The following HGF variants were observed in gnomAD, a reference collection of about 807,000 sequenced individuals.
HGF encodes hepatocyte growth factor, also known as fibroblast-derived tumor cytotoxic factor.
Under a neutral mutation model 111.6 loss-of-function variants are expected in HGF, and 39 were observed. That is an observed-to-expected ratio of 0.35 (90% CI 0.27 to 0.46). The LOEUF (loss-of-function observed/expected upper bound fraction) is 0.46. Ranked by LOEUF, HGF falls within the 20% of genes least tolerant of loss-of-function variation. The probability of loss-of-function intolerance (pLI) is 1.00; values close to 1 mark genes in which losing one functional copy is unlikely to be tolerated. For missense variants in HGF, 735 were observed against 910.5 expected (o/e 0.81, Z 2.48); for synonymous variants, 285 against 294.8 (o/e 0.97, Z 0.34).
Position 81,757,280 on chromosome 7 carries a change from C to T in HGF, c.391G>A (p.Gly131Ser), listed in dbSNP as rs1327255533. ...NKDYIRNCII[G>S]KGRSYKGTVS... ...GTTCCCTTGTAGCTGCGTCCTTTAC[C>T]AATGATGCAGTTTCTAATGTAGTCT... Residue 131 changes from glycine (G) to serine (S), a missense_variant, in exon 4 of 18, where the codon GGT becomes AGT. Around this residue, in one of 3 missense-constraint regions of HGF, gnomAD observed 553 missense variants for 685.6 expected, o/e 0.81. Transcript: ENST00000222390. 6.3e-7 allele frequency: 1 copy of T among 1,589,836 alleles called. No homozygotes were observed. The highest frequency in any genetic ancestry group is 2.2e-5 in the East Asian group (1 of 44,740).
rs777216192 is a variant in HGF, at chr7:81,705,682, G to T, written c.1829C>A (p.Thr610Asn). ...GCCCCAGCCATAAACACTGCAACTGGTCTTTTCAGGAATTGTGCATCCATA... is the reference window on the plus strand; with the variant it reads ...GCCCCAGCCATAAACACTGCAACTGTTCTTTTCAGGAATTGTGCATCCATA... ...PNYGCTIPEK[T>N]SCSVYGWGYT... The change falls in exon 16 of 18, where the codon ACC becomes AAC. Residue 610 changes from threonine to asparagine, a missense_variant. Physicochemically the swap from Thr to Asn is moderately conservative, Grantham distance 65 (BLOSUM62 0). Transcript: ENST00000222390. The T allele has an allele frequency of 6.2e-7, 1 of 1,612,152 alleles. No homozygotes were observed. Among genetic ancestry groups the T allele is most frequent in the South Asian group, 1.1e-5 (1 of 91,042 alleles).
At chr7:81,726,075 G>A in intron 8 of HGF, 58 bp from the exon 9 acceptor site, 1 of 1,537,590 alleles carries the variant, frequency 6.5e-7, no homozygotes, top group Non-Finnish European at 9.0e-7. Context: ...GGTGAAGTCA[G>A]CGCTATTACA....
At chr7:81,731,784 C>T (rs949737054) in intron 7 of HGF, among the ~76,000 whole-genome samples, 2 of 152,082 alleles carry the variant, frequency 1.3e-5, no homozygotes, top group African/African-American at 4.8e-5. Context: ...AGTTATAAAA[C>T]TGATGGGAAA....
chr7:81,734,109 T>C (rs377264753), intron 7 of HGF, among the ~76,000 whole-genome samples: 1 of 152,042 alleles, frequency 6.6e-6, no homozygotes, highest in East Asian at 1.9e-4. Context: ...TCAGCTGAAG[T>C]TGATTGTTTA....
At chr7:81,742,766 G>A in intron 7 of HGF, 1 of 1,510,744 alleles carries the variant, frequency 6.6e-7, no homozygotes, top group East Asian at 2.5e-5. Context: ...TGATTGTATG[G>A]ACTGCTAAAA....
Position 81,752,234 on chromosome 7 carries a change from C to G in HGF, c.511G>C (p.Asp171His). ...TTTCGACAGTAGTTTTCCTGTAGGT[C>G]TTTACCCCGATAGCTCGAAGGCAAA... The part of the protein sequence containing the change: ...SFLPSSYRGK[D>H]LQENYCRNPR... Residue 171 changes from aspartate to histidine, a missense_variant, in exon 5 of 18, where the codon GAC becomes CAC. Physicochemically the swap from Asp to His is moderately conservative, Grantham distance 81. Coordinates refer to ENST00000222390, the MANE Select transcript of HGF (RefSeq NM_000601.6). 1 of 1,613,490 alleles carries G rather than the reference C, an allele frequency of 6.2e-7. No individual in the cohort carries two copies. The highest frequency in any genetic ancestry group is 8.5e-7 in the Non-Finnish European group (1 of 1,179,514).
At chr7:81,745,593 A>T (rs1186508035) in intron 5 of HGF, among the ~76,000 whole-genome samples, 1 of 152,266 alleles carries the variant, frequency 6.6e-6, no homozygotes, top group African/African-American at 2.4e-5. Flanking sequence ...TGACATAATC[A>T]AGACCACATA....
At chr7:81,720,981 C>G (rs969425467) in intron 9 of HGF, 134 bp from the exon 10 acceptor site, 1 of 644,912 alleles carries the variant, frequency 1.6e-6, no homozygotes, top group Non-Finnish European at 2.8e-6. Flanking sequence ...TGCGGTGGCT[C>G]ACGCCTGTAA....
chr7:81,711,418 A>C (rs986458402), intron 12 of HGF, 63 bp downstream of exon 12: 41 of 846,136 alleles, frequency 4.8e-5, no homozygotes, highest in Non-Finnish European at 7.6e-5. Context: ...GAAAGAAATA[A>C]TGACACTTCT....
chr7:81,722,908 T>C (rs1455797548), intron 9 of HGF, among the ~76,000 whole-genome samples: 1 of 151,040 alleles, frequency 6.6e-6, no homozygotes, highest in Non-Finnish European at 1.5e-5. Context: ...TTAAAAATAT[T>C]CTATACTTTT....
At chr7:81,733,665 C>T (rs1030444267) in intron 7 of HGF, among the ~76,000 whole-genome samples, 15 of 151,802 alleles carry the variant, frequency 9.9e-5, no homozygotes, top group African/African-American at 1.4e-4. Context: ...ATAATACAGG[C>T]GAATAAAGAT....
chr7:81,735,991 T>C (rs923868329), intron 7 of HGF, among the ~76,000 whole-genome samples: 4 of 152,074 alleles, frequency 2.6e-5, no homozygotes, highest in Admixed American at 6.6e-5. Flanking sequence ...ACAATCCCTA[T>C]ATCTAAATAT....
chr7:81,722,779 A>G (rs1307956014), intron 9 of HGF, among the ~76,000 whole-genome samples: 3 of 148,070 alleles, frequency 2.0e-5, no homozygotes, highest in African/African-American at 7.5e-5. Flanking sequence ...ATGCCACTGC[A>G]ATCCAGCCTG....
In HGF at chr7:81,706,307, C is replaced by G. The variant is rs946475322; in HGVS notation, c.1737G>C (p.Leu579=). 5.0e-6 allele frequency: 8 copies of G among 1,612,636 alleles called. No individual in the cohort carries two copies. The highest frequency in any genetic ancestry group is 1.3e-5 in the African/African-American group (1 of 74,918). The change falls in exon 15 of 18, where the codon CTG becomes CTC. Residue 579 remains leucine, a synonymous_variant. Coordinates refer to ENST00000222390, the MANE Select transcript of HGF (RefSeq NM_000601.6). The stretch of plus-strand genomic sequence containing the variant: ...CTAACCTGGCAAGCTTCATTAAAAC[C>G]AGATCTGATCCTTCAGGGCCATATA... ...QLVYGPEGSD[L]VLMKLARPAV...
Position 81,705,475 on chromosome 7 carries a change from C to T in HGF, c.1925G>A (p.Cys642Tyr), listed in dbSNP as rs2115761223. The T allele has an allele frequency of 6.2e-7, 1 of 1,612,650 alleles. No individual in the cohort carries two copies. The highest frequency in any genetic ancestry group is 8.5e-7 in the Non-Finnish European group (1 of 1,178,984). The stretch of plus-strand genomic sequence containing the variant: ...CACCTTCCCTCGATGATGCTGGCTG[C>T]ATTTCTCATTTCCCATTATATAGAG... ...AHLYIMGNEK[C>Y]SQHHRGKVTL... is the part of the protein sequence containing the mutation. The change falls in exon 17 of 18, where the codon TGC becomes TAC. Residue 642 changes from cysteine to tyrosine, a missense_variant. Cys to Tyr is a radical substitution (Grantham distance 194). Coordinates refer to ENST00000222390, the MANE Select transcript of HGF (RefSeq NM_000601.6).
intron 14 of HGF, 125 bp from the exon 15 acceptor site, chr7:81,706,552 T>TATA (rs1789433426): frequency 1.3e-6 from 1 of 740,804 alleles, no homozygotes; most frequent in African/African-American, 1.8e-5. Flanking sequence ...TGATTCATAG[T>TATA]ATAATAAAGA....
At chr7:81,736,267 TC>T (rs1273226490) in intron 7 of HGF, among the ~76,000 whole-genome samples, 1 of 152,100 alleles carries the variant, frequency 6.6e-6, no homozygotes, top group East Asian at 1.9e-4. Context: ...AAACGTACAC[TC>T]CGTTCTATTT....
At chr7:81,758,322 C>T (rs1042063579) in intron 3 of HGF, among the ~76,000 whole-genome samples, 1 of 151,828 alleles carries the variant, frequency 6.6e-6, no homozygotes, top group Admixed American at 6.6e-5. Context: ...ATGCAAAATA[C>T]TATAGCAAAC....
chr7:81,754,743 T>C (rs1788678875), intron 4 of HGF, among the ~76,000 whole-genome samples: 1 of 151,972 alleles, frequency 6.6e-6, no homozygotes, highest in Admixed American at 6.6e-5. Context: ...TTTGTTAGTG[T>C]CCCAATGTAT....
Sources: allele counts gnomAD v4.1 joint callset (sites outside exome capture counted in the v4.1 genomes callset), GRCh38; gene constraint gnomAD v4.1.1; regional missense constraint gnomAD v4.1.1; transcripts MANE v1.5; gene names NCBI Gene and HGNC (gene_info 2026-07-23, HGNC 2026-07-21).